PI15: variants seen among roughly 807,000 people sequenced by gnomAD.
The protein encoded by PI15 is 25 kDa trypsin inhibitor.
Under a neutral mutation model 31.0 loss-of-function variants are expected in PI15, and 18 were observed. The observed-to-expected ratio is 0.58, with a 90% CI of 0.40 to 0.86. The LOEUF (loss-of-function observed/expected upper bound fraction) is 0.86, where lower values mean the gene tolerates loss of function less well. PI15 is among the 40% of genes least tolerant of loss of function. The probability of loss-of-function intolerance (pLI) is 0.00; values close to 1 mark genes in which losing one functional copy is unlikely to be tolerated. For missense variants in PI15, 282 were observed against 328.1 expected, an observed-to-expected ratio of 0.86 and a Z score of 1.09; for synonymous variants, 118 against 119.1, an observed-to-expected ratio of 0.99 and a Z score of 0.06.
chr8:74,840,527 A>G (rs1333579652), intron 2 of PI15, among the ~76,000 whole-genome samples: 1 of 152,218 alleles, frequency 6.6e-6, no homozygotes, highest in Non-Finnish European at 1.5e-5. Context: ...ATGGAGAAAG[A>G]CAGAGAAAGT....
intron 2 of PI15, among the ~76,000 whole-genome samples, chr8:74,838,625 G>A (rs796829485): frequency 3.3e-5 from 5 of 151,782 alleles, no homozygotes; most frequent in Non-Finnish European, 5.9e-5. Flanking sequence ...CTGTGTGTAC[G>A]CTCAATGTTT....
At chr8:74,849,073 A>T in intron 5 of PI15, 45 bp from the exon 6 acceptor site, 2 of 1,572,362 alleles carry the variant, frequency 1.3e-6, no homozygotes, top group Non-Finnish European at 1.7e-6. Flanking sequence ...CTTTTAAAAA[A>T]TGGGTGGGTT....
rs1811095201 is a variant in PI15 at position 74,850,850 on chromosome 8, G to A, written c.*1597G>A. 1 of 152,162 alleles carries A rather than the reference G, an allele frequency of 6.6e-6. No individual in the cohort carries two copies. Among genetic ancestry groups the A allele is most frequent in the Non-Finnish European group, 1.5e-5 (1 of 67,998 alleles). The allele number at this position is 152,162 out of a possible 1,614,324, so 9.4% of individuals were successfully genotyped here. A position where few individuals can be genotyped will look rare whatever the true frequency, so the allele number is the denominator to read the frequency against. On this transcript the variant is annotated 3_prime_UTR_variant, in exon 6 of 6. Coordinates refer to ENST00000260113, the MANE Select transcript of PI15 (RefSeq NM_015886.5). ...CTGCATTTCAAGTACATGTGTGTGT[G>A]TTTTATTCAGGTTGTGTAATGCTCC... is the stretch of plus-strand genomic sequence containing the variant.
At chr8:74,827,912 G>C (rs1296832820) in intron 2 of PI15, among the ~76,000 whole-genome samples, 1 of 152,132 alleles carries the variant, frequency 6.6e-6, no homozygotes, top group Non-Finnish European at 1.5e-5. Context: ...TAAAAGTAAT[G>C]AGAACAGTAA....
At chr8:74,841,510 T>C (rs535269368) in intron 2 of PI15, among the ~76,000 whole-genome samples, 2 of 152,340 alleles carry the variant, frequency 1.3e-5, no homozygotes, top group African/African-American at 4.8e-5. Context: ...TATGTGTGCA[T>C]GTTGTGCTAA....
chr8:74,844,930 C>A, intron 3 of PI15, 198 bp from the exon 4 acceptor site: 1 of 577,834 alleles, frequency 1.7e-6, no homozygotes, highest in Non-Finnish European at 3.1e-6. Flanking sequence ...CTTACTCCAG[C>A]CCTGGCCATT....
At chr8:74,840,139 T>G (rs556018688) in intron 2 of PI15, among the ~76,000 whole-genome samples, 4 of 152,268 alleles carry the variant, frequency 2.6e-5, no homozygotes, top group African/African-American at 4.8e-5. Context: ...TTAGGATACA[T>G]GTGATAATTT....
chr8:74,834,485 T>C (rs1031684622), intron 2 of PI15, among the ~76,000 whole-genome samples: 1 of 151,942 alleles, frequency 6.6e-6, no homozygotes, highest in African/African-American at 2.4e-5. Flanking sequence ...CAAGACCCTT[T>C]GTGTTAAACA....
chr8:74,846,054 G>A (rs1586958810), intron 5 of PI15: 1 of 152,908 alleles, frequency 6.5e-6, no homozygotes, highest in Non-Finnish European at 1.5e-5. Context: ...ATCAGCATTT[G>A]GTAAAATGCC....
chr8:74,844,389 CCT>C (rs1328975779), intron 3 of PI15, among the ~76,000 whole-genome samples: 3 of 151,462 alleles, frequency 2.0e-5, no homozygotes, highest in Non-Finnish European at 4.4e-5. Context: ...TATCTTGCCC[CCT>C]CCATCTCAGG....
rs1563562758 is a variant in PI15 at position 74,824,547 on chromosome 8, C to T, written c.-169C>T. 3 of 152,164 alleles carry T rather than the reference C, an allele frequency of 2.0e-5. No individual in the cohort carries two copies. Among genetic ancestry groups the T allele is most frequent in the Non-Finnish European group, 1.5e-5 (1 of 68,036 alleles). The allele number at this position is 152,164 out of a possible 1,614,324, so 9.4% of individuals were successfully genotyped here. On this transcript the variant is annotated 5_prime_UTR_variant, in exon 1 of 6. Coordinates refer to ENST00000260113, the MANE Select transcript of PI15 (RefSeq NM_015886.5). ...GCTCCTCTAGCCAGCAGCATTCAAA[C>T]CTTGCAGAGCTTTGCTCTCAGAGAG... is the stretch of plus-strand genomic sequence containing the variant.
intron 2 of PI15, among the ~76,000 whole-genome samples, chr8:74,836,089 T>C (rs764565184): frequency 1.3e-5 from 2 of 152,030 alleles, no homozygotes; most frequent in African/African-American, 2.4e-5. Flanking sequence ...AAAAATAGAG[T>C]AGATGACTAG....
rs984353783 is a variant in PI15 at position 74,825,441 on chromosome 8, G to C, written c.192G>C (p.Gln64His). The C allele has an allele frequency of 1.2e-6, 2 of 1,613,104 alleles. No individual in the cohort carries two copies. Among genetic ancestry groups the C allele is most frequent in the African/African-American group, 2.7e-5 (2 of 74,818 alleles). Residue 64 changes from glutamine to histidine, a missense_variant, in exon 2 of 6, where the codon CAG (glutamine) becomes CAC (histidine). Physicochemically the swap from Gln to His is conservative, Grantham distance 24 (BLOSUM62 0). Transcript: ENST00000260113. ...PKARRKRYIS[Q>H]NDMIAILDYH... ...CCAGGCGGAAGCGCTACATTTCGCAGAATGACATGATCGCCATTCTTGATT... is the reference window on the plus strand; with the variant it reads ...CCAGGCGGAAGCGCTACATTTCGCACAATGACATGATCGCCATTCTTGATT...
intron 2 of PI15, chr8:74,826,198 TAA>T: frequency 1.0e-5 from 3 of 301,030 alleles, no homozygotes; most frequent in Non-Finnish European, 1.5e-5. Context: ...ACTTAGAAAG[TAA>T]AAAAAAAAGT....
intron 2 of PI15, among the ~76,000 whole-genome samples, chr8:74,829,958 T>G (rs1810757018): frequency 6.6e-6 from 1 of 152,078 alleles, no homozygotes; most frequent in Non-Finnish European, 1.5e-5. Flanking sequence ...AGGTTGAGGA[T>G]TCCTTACTCC....
rs976179238 is a variant in PI15 at position 74,854,074 on chromosome 8, T to A, written c.*4821T>A. The stretch of plus-strand genomic sequence containing the variant: ...TTATTGGCCTATCATTTGTTAGTGT[T>A]ATTTGGTCATATTATTGAACTAATG... On this transcript the variant is annotated 3_prime_UTR_variant, in exon 6 of 6. Coordinates refer to ENST00000260113, the MANE Select transcript of PI15 (RefSeq NM_015886.5). 1 of 152,064 alleles carries A rather than the reference T, an allele frequency of 6.6e-6. No homozygotes were observed. The highest frequency in any genetic ancestry group is 1.5e-5 in the Non-Finnish European group (1 of 67,940). The allele number at this position is 152,064 out of a possible 1,614,324, so 9.4% of individuals were successfully genotyped here.
At chr8:74,829,781 T>C (rs988701196) in intron 2 of PI15, among the ~76,000 whole-genome samples, 2 of 151,930 alleles carry the variant, frequency 1.3e-5, no homozygotes, top group Admixed American at 1.3e-4. Context: ...GGAGCGATAA[T>C]CTCTAGTTGG....
Position 74,825,421 on chromosome 8 carries a change from C to T in PI15, c.172C>T (p.Arg58Trp), listed in dbSNP as rs937194133. 4 of 1,612,730 alleles carry T rather than the reference C, an allele frequency of 2.5e-6. No homozygotes were observed. The highest frequency in any genetic ancestry group is 1.3e-5 in the African/African-American group (1 of 74,826). Reference protein sequence around the residue: ...LDSADIPKARRKRYISQNDMI... With the variant: ...LDSADIPKARWKRYISQNDMI... ...TTCAGCGGATATCCCCAAAGCCAGG[C>T]GGAAGCGCTACATTTCGCAGAATGA... is the stretch of plus-strand genomic sequence containing the variant. Residue 58 changes from arginine to tryptophan, a missense_variant, in exon 2 of 6, where the codon CGG becomes TGG. Coordinates refer to ENST00000260113, the MANE Select transcript of PI15 (RefSeq NM_015886.5).
At chr8:74,848,773 G>A (rs1386045287) in intron 5 of PI15, among the ~76,000 whole-genome samples, 6 of 145,552 alleles carry the variant, frequency 4.1e-5, no homozygotes, top group African/African-American at 1.0e-4. Flanking sequence ...TCGCTCTGTC[G>A]CCCAGGCTGG....
Sources: allele counts gnomAD v4.1 joint callset (sites outside exome capture counted in the v4.1 genomes callset), GRCh38; gene constraint gnomAD v4.1.1; transcripts MANE v1.5; gene names NCBI Gene and HGNC (gene_info 2026-07-23, HGNC 2026-07-21).